The following NALF1 variants were observed in gnomAD, a reference collection of about 807,000 sequenced individuals.
NALF1 encodes NALCN channel auxiliary factor 1, also known as family with sequence similarity 155 member A.
Under a neutral mutation model 48.4 loss-of-function variants are expected in NALF1, and 3 were observed. The observed-to-expected ratio is 0.06, with a 90% confidence interval of 0.03 to 0.16. NALF1 has a LOEUF of 0.16. Among genes scored for constraint, NALF1 ranks in the 10% least tolerant of loss-of-function variants. The pLI, the probability that NALF1 is intolerant of heterozygous loss-of-function variation, is 1.00. For synonymous variants in NALF1, 262 were observed against 245.7 expected, an observed-to-expected ratio of 1.07 and a Z score of -0.62; for missense variants, 526 against 571.5, an observed-to-expected ratio of 0.92 and a Z score of 0.81.
intron 1 of NALF1, among the ~76,000 whole-genome samples, chr13:107,755,432 G>T (rs1258940578): frequency 6.6e-6 from 1 of 151,860 alleles, no homozygotes; most frequent in Non-Finnish European, 1.5e-5. Flanking sequence ...GGAGTGCCAT[G>T]TATCTTCAAG....
intron 1 of NALF1, among the ~76,000 whole-genome samples, chr13:107,809,406 A>C (rs1032530240): frequency 6.6e-6 from 1 of 152,048 alleles, no homozygotes; most frequent in East Asian, 1.9e-4. Flanking sequence ...AGTTACTGTA[A>C]AGACTCTGTC....
chr13:107,527,565 G>A (rs533148861), intron 1 of NALF1, among the ~76,000 whole-genome samples: 1 of 152,154 alleles, frequency 6.6e-6, no homozygotes, highest in African/African-American at 2.4e-5. Context: ...AATGCTCTGG[G>A]CACGTAAAGT....
chr13:107,375,247 T>C (rs963229427), intron 1 of NALF1, among the ~76,000 whole-genome samples: 3 of 152,220 alleles, frequency 2.0e-5, no homozygotes, highest in Non-Finnish European at 4.4e-5. Context: ...CTTTCAAGTA[T>C]GTGGTTTCAA....
intron 1 of NALF1, among the ~76,000 whole-genome samples, chr13:107,670,888 A>G (rs1416338852): frequency 6.6e-6 from 1 of 152,108 alleles, no homozygotes; most frequent in Non-Finnish European, 1.5e-5. Context: ...GCCAGTCAAG[A>G]CATTTTTGGG....
chr13:107,775,728 A>C (rs1011434933), intron 1 of NALF1, among the ~76,000 whole-genome samples: 2 of 152,128 alleles, frequency 1.3e-5, no homozygotes, highest in Non-Finnish European at 2.9e-5. Context: ...TTGTTTCCTG[A>C]CTTTTTAATG....
chr13:107,198,998 C>A (rs1438850509), intron 2 of NALF1, among the ~76,000 whole-genome samples: 1 of 152,024 alleles, frequency 6.6e-6, no homozygotes, highest in Non-Finnish European at 1.5e-5. Context: ...GTGTGTAAGG[C>A]CTTCAAAGGG....
intron 1 of NALF1, among the ~76,000 whole-genome samples, chr13:107,696,169 T>G (rs527573418): frequency 6.6e-6 from 1 of 152,346 alleles, no homozygotes; most frequent in Non-Finnish European, 1.5e-5. Context: ...AGTGCTAGGA[T>G]TATAGGCGTG....
At chr13:107,737,505 T>C (rs1484264633) in intron 1 of NALF1, among the ~76,000 whole-genome samples, 1 of 152,234 alleles carries the variant, frequency 6.6e-6, no homozygotes, top group Non-Finnish European at 1.5e-5. Context: ...ACTTTGGAAA[T>C]GATAGGTGAT....
chr13:107,307,408 T>G (rs75991084), intron 1 of NALF1, among the ~76,000 whole-genome samples: 1 of 152,138 alleles, frequency 6.6e-6, no homozygotes, highest in Non-Finnish European at 1.5e-5. Flanking sequence ...CAGAAAAAAC[T>G]AACTTAATGG....
At chr13:107,171,075 G>C (rs1021071165) in intron 2 of NALF1, among the ~76,000 whole-genome samples, 4 of 152,224 alleles carry the variant, frequency 2.6e-5, no homozygotes, top group Admixed American at 1.3e-4. Context: ...ATCAGAACTT[G>C]AGGTTCCGGA....
At chr13:107,455,002 C>T (rs1884801074) in intron 1 of NALF1, among the ~76,000 whole-genome samples, 1 of 152,168 alleles carries the variant, frequency 6.6e-6, no homozygotes, top group Non-Finnish European at 1.5e-5. Context: ...CATTAATTCC[C>T]ATGTGTCAAG....
At position 107,680,948 on chromosome 13, in the gene NALF1, AGTGT is replaced by A. The variant is rs140128926; in HGVS notation, c.915+184730_915+184733del. Among the ~76,000 whole-genome samples, 978 of 129,966 alleles carry A rather than the reference AGTGT, an allele frequency of 7.5e-3. 7 individuals are homozygous for A. Among genetic ancestry groups the A allele is most frequent in the African/African-American group, 0.024 (859 of 36,236 alleles). The allele number at this position is 129,966 out of a possible 152,430, so 85.3% of individuals were successfully genotyped here. On this transcript the variant is annotated intron_variant, in intron 1 of 2. Transcript: ENST00000375915. Reference sequence around the variant, plus strand: ...GAGTATGAGTATGCATGAGTGTAACAGTGTGTGTGTGTGTGTGTGTGTACACGTC... The same window carrying A: ...GAGTATGAGTATGCATGAGTGTAACAGTGTGTGTGTGTGTGTGTACACGTC...
chr13:107,494,228 T>A (rs1484469396), intron 1 of NALF1, among the ~76,000 whole-genome samples: 1 of 152,146 alleles, frequency 6.6e-6, no homozygotes, highest in African/African-American at 2.4e-5. Context: ...GAATCACTTT[T>A]TGATAGTCAT....
At chr13:107,833,414 T>G (rs1175581424) in intron 1 of NALF1, among the ~76,000 whole-genome samples, 1 of 152,210 alleles carries the variant, frequency 6.6e-6, no homozygotes, top group Non-Finnish European at 1.5e-5. Context: ...CTTTTCTTTC[T>G]CCATCTATAG....
At chr13:107,573,387 G>C (rs1185853951) in intron 1 of NALF1, among the ~76,000 whole-genome samples, 2 of 151,940 alleles carry the variant, frequency 1.3e-5, no homozygotes, top group African/African-American at 4.8e-5. Context: ...TGGGGAATAA[G>C]AACACCCACA....
chr13:107,512,435 C>T (rs1299619407), intron 1 of NALF1, among the ~76,000 whole-genome samples: 1 of 152,104 alleles, frequency 6.6e-6, no homozygotes, highest in Non-Finnish European at 1.5e-5. Context: ...AATATCTAGA[C>T]CTTGACGTTG....
At chr13:107,559,031 A>G (rs1201227240) in intron 1 of NALF1, among the ~76,000 whole-genome samples, 1 of 152,142 alleles carries the variant, frequency 6.6e-6, no homozygotes, top group African/African-American at 2.4e-5. Context: ...AGATCGTGGG[A>G]CTTCTCCGCC....
At chr13:107,573,855 T>A (rs1878058076) in intron 1 of NALF1, among the ~76,000 whole-genome samples, 1 of 152,158 alleles carries the variant, frequency 6.6e-6, no homozygotes, top group Non-Finnish European at 1.5e-5. Context: ...TCACTCACCT[T>A]CCACCATGAT....
intron 1 of NALF1, among the ~76,000 whole-genome samples, chr13:107,763,463 T>G (rs925869439): frequency 7.0e-6 from 1 of 143,234 alleles, no homozygotes; most frequent in South Asian, 2.2e-4. Flanking sequence ...GTGTTTCATA[T>G]TAAAATTCAA....
Sources: gnomAD v4.1 joint callset for allele counts (sites outside exome capture counted in the v4.1 genomes callset) on GRCh38, gnomAD v4.1.1 for gene constraint, MANE v1.5 for transcripts, NCBI Gene and HGNC (gene_info 2026-07-23, HGNC 2026-07-21) for gene names.